DTNA: variants seen among roughly 807,000 people sequenced by gnomAD.
DTNA encodes dystrobrevin alpha.
A neutral mutation model predicts 100.7 loss-of-function variants in DTNA; 43 were observed. The observed-to-expected ratio is 0.43, with a 90% CI of 0.33 to 0.55. DTNA has a LOEUF of 0.55. Among genes scored for constraint, DTNA ranks in the 20% least tolerant of loss-of-function variants. The probability of loss-of-function intolerance (pLI) is 0.04; values close to 1 mark genes in which losing one functional copy is unlikely to be tolerated. For synonymous variants in DTNA, 349 were observed against 347.9 expected, an observed-to-expected ratio of 1.00 and a Z score of -0.04; for missense variants, 798 against 953.9, an observed-to-expected ratio of 0.84 and a Z score of 2.15.
At chr18:34,640,595 A>G (rs2059167186) in intron 1 of DTNA, among the ~76,000 whole-genome samples, 1 of 152,224 alleles carries the variant, frequency 6.6e-6, no homozygotes, top group Admixed American at 6.5e-5. Flanking sequence ...TTCAGACCAC[A>G]TGCTAGGTAC....
chr18:34,707,897 G>A (rs979620578), upstream of DTNA, among the ~76,000 whole-genome samples: 38 of 152,188 alleles, frequency 2.5e-4, no homozygotes, highest in Non-Finnish European at 4.6e-4. Context: ...ATGAGTCACC[G>A]CGCTGAAGGA....
chr18:34,493,735 A>G (rs1394975450), intron 1 of DTNA, among the ~76,000 whole-genome samples: 5 of 148,644 alleles, frequency 3.4e-5, no homozygotes, highest in Non-Finnish European at 1.5e-5. Context: ...GGGCGCGGAC[A>G]CAGGCGGCTC....
At chr18:34,525,106 G>C (rs900066209) in intron 1 of DTNA, among the ~76,000 whole-genome samples, 1 of 152,120 alleles carries the variant, frequency 6.6e-6, no homozygotes, top group Non-Finnish European at 1.5e-5. Context: ...ACATATAGAA[G>C]TGATCATTCA....
chr18:34,881,373 C>T (rs533530538), intron 20 of DTNA, among the ~76,000 whole-genome samples: 110 of 150,754 alleles, frequency 7.3e-4, no homozygotes, highest in African/African-American at 2.4e-3. Context: ...AGACAGAGTC[C>T]CACATTAGGG....
chr18:34,606,242 G>A (rs1172868898), intron 1 of DTNA, among the ~76,000 whole-genome samples: 1 of 152,056 alleles, frequency 6.6e-6, no homozygotes, highest in African/African-American at 2.4e-5. Context: ...TGATATAGCT[G>A]CAACTTCAGT....
At chr18:34,527,805 C>G (rs1216235672) in intron 1 of DTNA, among the ~76,000 whole-genome samples, 1 of 151,998 alleles carries the variant, frequency 6.6e-6, no homozygotes. Context: ...TAAATGAGTC[C>G]AGATACTGCA....
intron 4 of DTNA, among the ~76,000 whole-genome samples, chr18:34,800,533 C>A (rs1241093472): frequency 6.6e-6 from 1 of 152,172 alleles, no homozygotes; most frequent in Non-Finnish European, 1.5e-5. Context: ...GGAAGCAATT[C>A]TCTCCGTTAA....
At chr18:34,829,098 A>G (rs2095935728) in intron 10 of DTNA, 3 of 1,613,970 alleles carry the variant, frequency 1.9e-6, no homozygotes, top group South Asian at 2.2e-5. Flanking sequence ...CTTCTACCCT[A>G]AAATATTCCT....
chr18:34,802,633 A>G (rs2095253253), intron 4 of DTNA, among the ~76,000 whole-genome samples: 3 of 152,332 alleles, frequency 2.0e-5, no homozygotes, highest in South Asian at 2.1e-4. Context: ...AGAGGAATAT[A>G]TGCTACCTAA....
intron 1 of DTNA, among the ~76,000 whole-genome samples, chr18:34,726,912 A>G (rs930243155): frequency 6.6e-6 from 1 of 152,206 alleles, no homozygotes; most frequent in Non-Finnish European, 1.5e-5. Flanking sequence ...GCCCTAGGAA[A>G]GTATCTTTGT....
chr18:34,644,122 G>A (rs1380577843), intron 1 of DTNA, among the ~76,000 whole-genome samples: 1 of 152,062 alleles, frequency 6.6e-6, no homozygotes. Flanking sequence ...GTAGTTTCAA[G>A]CTTCCCTCAC....
chr18:34,885,922 G>A (rs1006819059), intron 22 of DTNA, among the ~76,000 whole-genome samples: 4 of 152,178 alleles, frequency 2.6e-5, no homozygotes, highest in Non-Finnish European at 4.4e-5. Context: ...CACACTGTGG[G>A]CCACACTGTT....
chr18:34,641,034 A>G (rs1156821605), intron 1 of DTNA, among the ~76,000 whole-genome samples: 4 of 152,162 alleles, frequency 2.6e-5, no homozygotes, highest in African/African-American at 9.7e-5. Context: ...TTATTAATCA[A>G]ATAACGGATG....
At chr18:34,498,226 T>TAACACGGTG (rs1438026251) in intron 1 of DTNA, among the ~76,000 whole-genome samples, 2 of 151,980 alleles carry the variant, frequency 1.3e-5, no homozygotes, top group Non-Finnish European at 2.9e-5. Context: ...CCATCCTGGC[T>TAACACGGTG]AACACGGTGA....
chr18:34,818,592 G>A, intron 8 of DTNA: 2 of 1,308,410 alleles, frequency 1.5e-6, no homozygotes, highest in Non-Finnish European at 2.0e-6. Flanking sequence ...ATTCAGTACT[G>A]ATTTAAATAA....
intron 1 of DTNA, among the ~76,000 whole-genome samples, chr18:34,730,753 A>C (rs759291546): frequency 1.3e-5 from 2 of 152,054 alleles, no homozygotes; most frequent in African/African-American, 4.8e-5. Flanking sequence ...CTCTCACCCT[A>C]ATATCTATGC....
At chr18:34,551,734 A>G (rs2045440262) in intron 1 of DTNA, among the ~76,000 whole-genome samples, 1 of 152,172 alleles carries the variant, frequency 6.6e-6, no homozygotes, top group Admixed American at 6.6e-5. Flanking sequence ...TTTGGTCTAG[A>G]TCTGAAAGTC....
chr18:34,575,651 A>C (rs2048043316), intron 1 of DTNA, among the ~76,000 whole-genome samples: 1 of 152,154 alleles, frequency 6.6e-6, no homozygotes, highest in African/African-American at 2.4e-5. Context: ...TTTTTCTTTA[A>C]TACTATCTAT....
intron 1 of DTNA, among the ~76,000 whole-genome samples, chr18:34,745,748 C>T (rs1310982963): frequency 6.6e-6 from 1 of 152,110 alleles, no homozygotes; most frequent in African/African-American, 2.4e-5. Flanking sequence ...AGTTGGCACT[C>T]CCCATAAAAT....
Sources: allele counts gnomAD v4.1 joint callset (sites outside exome capture counted in the v4.1 genomes callset), GRCh38; gene constraint gnomAD v4.1.1; transcripts MANE v1.5; gene names NCBI Gene and HGNC (gene_info 2026-07-23, HGNC 2026-07-21).